Variants in CD163L1 observed in about 807,000 individuals in gnomAD.
CD163L1 encodes the protein CD163 molecule like 1, also known as scavenger receptor cysteine-rich type 1 protein M160.
In CD163L1, 124 loss-of-function variants were observed where a neutral mutation model predicts 165.4. The ratio of observed to expected loss-of-function variants is 0.75; its 90% CI spans 0.65 to 0.87. The LOEUF is 0.87. Among genes scored for constraint, CD163L1 ranks in the 40% least tolerant of loss-of-function variants. CD163L1 has a pLI of 0.00. For missense variants in CD163L1, 1,525 were observed against 1,799.9 expected (o/e 0.85, Z 2.76); for synonymous variants, 585 against 662.2 (o/e 0.88, Z 1.79).
chr12:7,436,572 G>C (rs77295020), intron 2 of CD163L1, among the ~76,000 whole-genome samples: 14,571 of 152,130 alleles, frequency 0.096, 1,205 homozygotes, highest in African/African-American at 0.21. Flanking sequence ...AGGAGTTCCA[G>C]ATCGGCCTGG....
At chr12:7,420,996 CATATATATATATACGTGTATATATAT>C (rs1565808462) in intron 4 of CD163L1, among the ~76,000 whole-genome samples, 1 of 122,832 alleles carries the variant, frequency 8.1e-6, no homozygotes, top group African/African-American at 3.4e-5. Context: ...TATATATATA[CATATATATATATACGTGTATATATAT>C]ACATATATAT....
chr12:7,363,600 T>C (rs1423849977), intron 18 of CD163L1, among the ~76,000 whole-genome samples: 1 of 151,682 alleles, frequency 6.6e-6, no homozygotes, highest in East Asian at 1.9e-4. Context: ...GACATAACAA[T>C]TGAGACCACA....
chr12:7,358,949 A>T (rs1165034248), intron 18 of CD163L1, among the ~76,000 whole-genome samples: 2 of 152,138 alleles, frequency 1.3e-5, no homozygotes, highest in Non-Finnish European at 2.9e-5. Flanking sequence ...AATAGAAACG[A>T]AGCATGTCTT....
chr12:7,415,228 T>A (rs1259374483), intron 4 of CD163L1, among the ~76,000 whole-genome samples: 2 of 150,832 alleles, frequency 1.3e-5, no homozygotes, highest in Non-Finnish European at 1.5e-5. Flanking sequence ...TTCATGGGAG[T>A]TAAGTTGTTA....
intron 4 of CD163L1, among the ~76,000 whole-genome samples, chr12:7,431,422 C>A (rs776314022): frequency 9.3e-6 from 1 of 107,064 alleles, no homozygotes; most frequent in East Asian, 3.1e-4. Flanking sequence ...GAATGAGACT[C>A]CATCCAAAAA....
intron 2 of CD163L1, chr12:7,439,863 C>T: frequency 1.2e-6 from 2 of 1,611,520 alleles, no homozygotes; most frequent in Non-Finnish European, 1.7e-6. Context: ...CCGCTCCTCT[C>T]GCGGCTGCGT....
chr12:7,326,223 G>GTCTCC, the CD163L1 span, among the ~76,000 whole-genome samples: 1 of 152,092 alleles, frequency 6.6e-6, no homozygotes, highest in Non-Finnish European at 1.5e-5. Context: ...GTTTTTTTGA[G>GTCTCC]ATGGAGACTT....
the CD163L1 span, among the ~76,000 whole-genome samples, chr12:7,325,896 G>A: frequency 6.6e-6 from 1 of 152,152 alleles, no homozygotes; most frequent in Admixed American, 6.5e-5. Context: ...GTGAGCCTCT[G>A]TAGTGACACT....
Position 7,398,247 on chromosome 12 carries a change from A to G in CD163L1, c.1729+17T>C. ...TATTTCTCTTATCAGGAAATAATAA[A>G]CAAGAACAAGTCTTACCTGAGCAGG... On this transcript the variant is annotated intron_variant, in intron 7 of 19. Transcript: ENST00000313599. This position sits in a 1 kb window ranked among gnomAD's most constrained non-coding sequence, Gnocchi z 4.5. The G allele has an allele frequency of 1.9e-6, 3 of 1,597,394 alleles. No homozygotes were observed. Among genetic ancestry groups the G allele is most frequent in the Non-Finnish European group, 2.6e-6 (3 of 1,170,316 alleles).
At chr12:7,386,604 CAA>C (rs71067187) in intron 8 of CD163L1, among the ~76,000 whole-genome samples, 153 of 117,440 alleles carry the variant, frequency 1.3e-3, no homozygotes, top group South Asian at 4.4e-3. Flanking sequence ...GTCAACATAT[CAA>C]AAAAAAAAAA....
intron 18 of CD163L1, among the ~76,000 whole-genome samples, chr12:7,364,869 C>A (rs570887562): frequency 6.6e-6 from 1 of 151,954 alleles, no homozygotes; most frequent in Non-Finnish European, 1.5e-5. Flanking sequence ...TTTACGGATT[C>A]AACGCAATCT....
rs1276995500 is a variant in CD163L1, at chr12:7,372,089, A to G, written c.3730+1231T>C. ...AAATGCTTAAAAATATGAACCACAA[A>G]CAGACAATATTCATAAATAATGTCC... On this transcript the variant is annotated intron_variant, in intron 14 of 19. Transcript: ENST00000313599. The surrounding 1 kb of genome is among the most constrained non-coding windows in gnomAD (Gnocchi z 4.2). Among the ~76,000 whole-genome samples, 1 of 152,100 alleles carries G rather than the reference A, an allele frequency of 6.6e-6. No individual in the cohort carries two copies. The highest frequency in any genetic ancestry group is 1.5e-5 in the Non-Finnish European group (1 of 67,964).
chr12:7,421,478 TATGTACATATATACATATATGTAC>T (rs1948401837), intron 4 of CD163L1, among the ~76,000 whole-genome samples: 1 of 102,826 alleles, frequency 9.7e-6, no homozygotes, highest in Non-Finnish European at 1.8e-5. Context: ...TATATACATA[TATGTACATATATACATATATGTAC>T]ATATACATAT....
At chr12:7,396,495 C>G (rs4072798) in intron 7 of CD163L1, 80 bp from the exon 8 acceptor site, 848,902 of 1,321,878 alleles carry the variant, frequency 0.64, 288,635 homozygotes, top group Non-Finnish European at 0.71. Context: ...ACTATGATAC[C>G]CAGTTATTTG....
At chr12:7,393,212 A>C (rs1463139908) in intron 8 of CD163L1, among the ~76,000 whole-genome samples, 1 of 152,202 alleles carries the variant, frequency 6.6e-6, no homozygotes, top group Non-Finnish European at 1.5e-5. Flanking sequence ...CACATCAAAA[A>C]GCCTATCCAC....
chr12:7,346,461 A>T, downstream of CD163L1, among the ~76,000 whole-genome samples: 1 of 152,020 alleles, frequency 6.6e-6, no homozygotes, highest in East Asian at 1.9e-4. Flanking sequence ...CTTACTGAGT[A>T]TAATTTCTTT....
At chr12:7,351,180 G>T (rs1591861635), downstream of CD163L1, among the ~76,000 whole-genome samples, 2 of 151,956 alleles carry the variant, frequency 1.3e-5, no homozygotes, top group East Asian at 1.9e-4. Flanking sequence ...AATACATATA[G>T]ATATATATAT....
At chr12:7,382,233 ACT>A (rs2136453049) in intron 8 of CD163L1, among the ~76,000 whole-genome samples, 1 of 151,894 alleles carries the variant, frequency 6.6e-6, no homozygotes, top group South Asian at 2.1e-4. Flanking sequence ...GGAATCCTCA[ACT>A]CTCTTATTGA....
Position 7,372,221 on chromosome 12 carries a change from T to C in CD163L1, c.3730+1099A>G, listed in dbSNP as rs1947160416. On this transcript the variant is annotated intron_variant, in intron 14 of 19. Coordinates refer to ENST00000313599, the MANE Select transcript of CD163L1 (RefSeq NM_174941.6). This position sits in a 1 kb window ranked among gnomAD's most constrained non-coding sequence, Gnocchi z 4.2. ...TATATGTTTCTCTCTGTGTGTAACA[T>C]TGGTGGGAAGGGTGAAATAAAATCA... Among the ~76,000 whole-genome samples, 1 of 152,052 alleles carries C rather than the reference T, an allele frequency of 6.6e-6. No individual in the cohort carries two copies. The highest frequency in any genetic ancestry group is 1.5e-5 in the Non-Finnish European group (1 of 67,930).
Sources: allele counts gnomAD v4.1 joint callset (sites outside exome capture counted in the v4.1 genomes callset), GRCh38; gene constraint gnomAD v4.1.1; non-coding constraint Gnocchi (gnomAD v3.1); transcripts MANE v1.5; gene names NCBI Gene and HGNC (gene_info 2026-07-23, HGNC 2026-07-21).